NAV2: variants seen among roughly 807,000 people sequenced by gnomAD.
NAV2 encodes the protein neuron navigator 2.
In NAV2, 54 loss-of-function variants were observed where a neutral mutation model predicts 223.2. That is an observed-to-expected ratio of 0.24 (90% CI 0.19 to 0.30). The LOEUF (loss-of-function observed/expected upper bound fraction) is 0.30, where lower values mean the gene tolerates loss of function less well. Ranked by LOEUF, NAV2 falls within the 10% of genes least tolerant of loss-of-function variation. NAV2 has a pLI of 1.00. For missense variants in NAV2, 2,806 were observed against 3,147.5 expected, an observed-to-expected ratio of 0.89 and a Z score of 2.60; for synonymous variants, 1,279 against 1,239.3, an observed-to-expected ratio of 1.03 and a Z score of -0.67.
intron 1 of NAV2, among the ~76,000 whole-genome samples, chr11:19,814,862 T>C (rs1451547351): frequency 6.6e-6 from 1 of 152,108 alleles, no homozygotes; most frequent in Non-Finnish European, 1.5e-5. Context: ...TAGTTTACCC[T>C]CCCCTCCTAA....
At chr11:19,850,596 T>TA (rs984274905) in intron 3 of NAV2, among the ~76,000 whole-genome samples, 23 of 152,286 alleles carry the variant, frequency 1.5e-4, no homozygotes, top group African/African-American at 5.5e-4. Context: ...AAGAAATAGA[T>TA]ATGTAGTGCT....
chr11:19,585,462 T>C (rs1277307516), intron 1 of NAV2, among the ~76,000 whole-genome samples: 1 of 152,242 alleles, frequency 6.6e-6, no homozygotes, highest in Non-Finnish European at 1.5e-5. Flanking sequence ...GGATGCAGTT[T>C]CTTCCTAGCC....
chr11:19,618,776 A>G (rs1162523464), intron 1 of NAV2, among the ~76,000 whole-genome samples: 1 of 151,984 alleles, frequency 6.6e-6, no homozygotes, highest in Non-Finnish European at 1.5e-5. Flanking sequence ...AAATCTAAGA[A>G]GGAAAGATTG....
chr11:19,713,245 A>T lies in NAV2; in HGVS notation c.-451A>T. On this transcript the variant is annotated 5_prime_UTR_variant, in exon 1 of 38. Coordinates refer to ENST00000349880, the MANE Select transcript of NAV2 (RefSeq NM_145117.5). This position sits in a 1 kb window ranked among gnomAD's most constrained non-coding sequence, Gnocchi z 7.2. ...TGCTCGCTCTTTCTCTCGCCGGCTC[A>T]GACCCGTAGCCTCCGGAACGGGACT... is the stretch of plus-strand genomic sequence containing the variant. 1.1e-6 allele frequency: 1 copy of T among 918,406 alleles called. No individual in the cohort carries two copies. The allele number at this position is 918,406 out of a possible 1,614,324, so 56.9% of individuals were successfully genotyped here.
At chr11:19,692,661 A>G (rs1265957384) in intron 1 of NAV2, among the ~76,000 whole-genome samples, 1 of 152,238 alleles carries the variant, frequency 6.6e-6, no homozygotes, top group African/African-American at 2.4e-5. Context: ...AATTGCCTCC[A>G]CAGGCATTTT....
chr11:19,670,592 G>A (rs1250490139), intron 1 of NAV2, among the ~76,000 whole-genome samples: 1 of 152,180 alleles, frequency 6.6e-6, no homozygotes, highest in East Asian at 1.9e-4. Flanking sequence ...CAGAGGACAG[G>A]CCAGGAGAAG....
intron 1 of NAV2, among the ~76,000 whole-genome samples, chr11:19,643,338 C>T (rs1963997): frequency 0.72 from 98,113 of 136,578 alleles, 40,549 homozygotes; most frequent in Non-Finnish European, 0.9. Flanking sequence ...CGACAGGCCC[C>T]AGTGTGTGAT....
chr11:19,392,104 T>G (rs896277608), intron 1 of NAV2, among the ~76,000 whole-genome samples: 1 of 152,220 alleles, frequency 6.6e-6, no homozygotes, highest in African/African-American at 2.4e-5. Flanking sequence ...CTCCTTTTAC[T>G]TTGATGATGG....
At chr11:19,985,282 G>T (rs2050679094) in intron 11 of NAV2, among the ~76,000 whole-genome samples, 1 of 152,166 alleles carries the variant, frequency 6.6e-6, no homozygotes, top group South Asian at 2.1e-4. Context: ...GATGGAATTT[G>T]CTGAAGAAGA....
intron 1 of NAV2, among the ~76,000 whole-genome samples, chr11:19,513,317 C>A (rs189998715): frequency 5.9e-5 from 9 of 152,330 alleles, no homozygotes; most frequent in Admixed American, 4.6e-4. Context: ...TGTCGAATGA[C>A]CCCAATCTTT....
At chr11:19,717,138 C>T (rs767095779) in intron 1 of NAV2, among the ~76,000 whole-genome samples, 15 of 152,192 alleles carry the variant, frequency 9.9e-5, no homozygotes, top group African/African-American at 2.4e-4. Flanking sequence ...CACTTGCTCT[C>T]GGTCATCCAG....
At chr11:19,422,756 T>A (rs1403791550) in intron 1 of NAV2, among the ~76,000 whole-genome samples, 1 of 152,238 alleles carries the variant, frequency 6.6e-6, no homozygotes, top group African/African-American at 2.4e-5. Context: ...GTCTTCCCTT[T>A]CATTCCTGTT....
chr11:19,346,489 G>C (rs1853014042), upstream of NAV2, among the ~76,000 whole-genome samples: 1 of 152,240 alleles, frequency 6.6e-6, no homozygotes, highest in Admixed American at 6.5e-5. Context: ...GAGCCGCGGT[G>C]CCTCCCGGGT....
intron 1 of NAV2, among the ~76,000 whole-genome samples, chr11:19,704,562 T>A (rs1425037805): frequency 1.3e-5 from 2 of 152,200 alleles, no homozygotes; most frequent in East Asian, 3.8e-4. Context: ...GGAATAACTA[T>A]CTACCTCATG....
At chr11:19,847,367 G>A (rs182491912) in intron 3 of NAV2, among the ~76,000 whole-genome samples, 144 of 152,294 alleles carry the variant, frequency 9.5e-4, no homozygotes, top group African/African-American at 3.2e-3. Flanking sequence ...CAGCAAAAAA[G>A]CCCCAGGCCT....
At chr11:19,537,198 A>T (rs1161391137) in intron 1 of NAV2, among the ~76,000 whole-genome samples, 1 of 152,158 alleles carries the variant, frequency 6.6e-6, no homozygotes, top group African/African-American at 2.4e-5. Flanking sequence ...ACTATATGTG[A>T]TATTTTATTT....
intron 1 of NAV2, among the ~76,000 whole-genome samples, chr11:19,509,338 A>G (rs1033452057): frequency 3.3e-5 from 5 of 152,172 alleles, no homozygotes; most frequent in Admixed American, 6.5e-5. Context: ...TTGGACAGGA[A>G]CTACGTCATT....
intron 3 of NAV2, among the ~76,000 whole-genome samples, chr11:19,860,208 G>A (rs1049557350): frequency 6.7e-6 from 1 of 149,856 alleles, no homozygotes; most frequent in East Asian, 2.0e-4. Context: ...GTGGCTGCCG[G>A]GCGGAGACGC....
At chr11:20,034,370 T>TG (rs1246059281) in intron 11 of NAV2, among the ~76,000 whole-genome samples, 2 of 111,096 alleles carry the variant, frequency 1.8e-5, no homozygotes, top group African/African-American at 2.9e-5. Flanking sequence ...TTGTTTTTTT[T>TG]TTTTTTTTTG....
Sources: allele counts gnomAD v4.1 joint callset (sites outside exome capture counted in the v4.1 genomes callset), GRCh38; gene constraint gnomAD v4.1.1; non-coding constraint Gnocchi (gnomAD v3.1); transcripts MANE v1.5; gene names NCBI Gene and HGNC (gene_info 2026-07-23, HGNC 2026-07-21).